ANO4: variants seen among roughly 807,000 people sequenced by gnomAD.
ANO4 encodes the protein anoctamin 4.
Under a neutral mutation model 141.9 loss-of-function variants are expected in ANO4, and 69 were observed. The ratio of observed to expected loss-of-function variants is 0.49; its 90% CI spans 0.40 to 0.59. The LOEUF (loss-of-function observed/expected upper bound fraction) is 0.59, where lower values mean the gene tolerates loss of function less well. Among genes scored for constraint, ANO4 ranks in the 20% least tolerant of loss-of-function variants. The pLI is 0.00. For synonymous variants in ANO4, 350 were observed against 394.3 expected, an observed-to-expected ratio of 0.89 and a Z score of 1.33; for missense variants, 894 against 1,162.2, an observed-to-expected ratio of 0.77 and a Z score of 3.36.
chr12:101,022,259 A>T (rs919957164), intron 9 of ANO4, among the ~76,000 whole-genome samples: 1 of 152,196 alleles, frequency 6.6e-6, no homozygotes, highest in Admixed American at 6.5e-5. Flanking sequence ...TCTCTGCATT[A>T]GTCATCCTTC....
chr12:101,070,056 T>C (rs999413209), intron 14 of ANO4, among the ~76,000 whole-genome samples: 10 of 152,084 alleles, frequency 6.6e-5, no homozygotes, highest in Non-Finnish European at 1.2e-4. Flanking sequence ...GTTCATAGAT[T>C]GGAAGAAGCA....
At chr12:100,989,750 TATGGATGGATGGATGGATGG>T (rs370125379) in intron 8 of ANO4, among the ~76,000 whole-genome samples, 5 of 115,398 alleles carry the variant, frequency 4.3e-5, no homozygotes, top group African/African-American at 1.6e-4. Context: ...TGGATGGATA[TATGGATGGATGGATGGATGG>T]ATGGATGGAT....
intron 1 of ANO4, among the ~76,000 whole-genome samples, chr12:100,870,690 A>G (rs2038988364): frequency 6.6e-6 from 1 of 152,108 alleles, no homozygotes; most frequent in Admixed American, 6.6e-5. Context: ...GACAATAAGT[A>G]AACTTTTGTA....
intron 1 of ANO4, among the ~76,000 whole-genome samples, chr12:100,822,756 C>T (rs2036121400): frequency 6.6e-6 from 1 of 151,908 alleles, no homozygotes. Context: ...CTTGATCTTC[C>T]AGTAGGAATC....
chr12:101,074,574 G>A (rs588567), intron 14 of ANO4, among the ~76,000 whole-genome samples: 37,954 of 152,066 alleles, frequency 0.25, 5,068 homozygotes, highest in East Asian at 0.55. Context: ...GTGGAGGAAA[G>A]CAAGAAAGAA....
At chr12:100,890,835 G>A (rs765146878) in intron 1 of ANO4, among the ~76,000 whole-genome samples, 1 of 152,262 alleles carries the variant, frequency 6.6e-6, no homozygotes, top group East Asian at 1.9e-4. Context: ...TTCACTGTTG[G>A]TGTTGTACAT....
chr12:100,825,054 A>G (rs188261793), intron 1 of ANO4, among the ~76,000 whole-genome samples: 59 of 152,102 alleles, frequency 3.9e-4, no homozygotes, highest in Admixed American at 3.7e-3. Context: ...TTTATTTCTT[A>G]TCATAAATTA....
intron 1 of ANO4, among the ~76,000 whole-genome samples, chr12:100,850,357 A>C (rs2037801266): frequency 6.6e-6 from 1 of 152,200 alleles, no homozygotes; most frequent in Non-Finnish European, 1.5e-5. Context: ...GAGGAGAGTC[A>C]TTCCTCCTAT....
chr12:100,925,497 G>C (rs547973262), intron 3 of ANO4, among the ~76,000 whole-genome samples: 1 of 151,610 alleles, frequency 6.6e-6, no homozygotes, highest in Non-Finnish European at 1.5e-5. Flanking sequence ...TCCTGTCGGG[G>C]GGTGGGGGGC....
chr12:100,949,965 C>G (rs2042902547), intron 5 of ANO4, among the ~76,000 whole-genome samples: 1 of 152,166 alleles, frequency 6.6e-6, no homozygotes, highest in Non-Finnish European at 1.5e-5. Context: ...ACTTAAAGAG[C>G]TAATCTCATG....
intron 1 of ANO4, among the ~76,000 whole-genome samples, chr12:100,828,935 A>G (rs180811762): frequency 6.6e-6 from 1 of 151,748 alleles, no homozygotes; most frequent in African/African-American, 2.4e-5. Context: ...CATGAGAATC[A>G]CTTAAACCCA....
intron 22 of ANO4, among the ~76,000 whole-genome samples, chr12:101,106,660 C>T (rs1280057110): frequency 1.3e-5 from 2 of 149,782 alleles, no homozygotes; most frequent in Non-Finnish European, 3.0e-5. Context: ...GAGAGGAAAC[C>T]ACTCAAGAGC....
At chr12:101,053,955 A>G (rs1006938658) in intron 14 of ANO4, among the ~76,000 whole-genome samples, 6 of 152,242 alleles carry the variant, frequency 3.9e-5, no homozygotes, top group Non-Finnish European at 7.3e-5. Flanking sequence ...CTCTGGCAAC[A>G]GTGCAGGGAG....
At position 100,846,050 on chromosome 12, in the gene ANO4, T is replaced by C. The variant is rs1229512586; in HGVS notation, c.-141+51023T>C. The stretch of plus-strand genomic sequence containing the variant: ...GGTGAATTATTTAGCTGCTCTGTGT[T>C]TATTTTCTAATCCATAAAATGAAAT... On this transcript the variant is annotated intron_variant, in intron 1 of 27. Transcript: ENST00000392977. 2.0e-5 allele frequency among the ~76,000 whole-genome samples: 3 copies of C among 152,346 alleles called. No individual in the cohort carries two copies. In the East Asian group the frequency reaches 5.8e-4, roughly 29 times the overall value.
In ANO4 at chr12:100,993,850, A is replaced by C. The variant is rs993884634; in HGVS notation, c.734+6180A>C. Among the ~76,000 whole-genome samples, 9 of 152,238 alleles carry C rather than the reference A, an allele frequency of 5.9e-5. No homozygotes were observed. The South Asian group carries it at 1.2e-3, about 21-fold the overall frequency. On this transcript the variant is annotated intron_variant, in intron 8 of 27. Coordinates refer to ENST00000392977, the MANE Select transcript of ANO4 (RefSeq NM_001286615.2). ...AAGAAAAAAAGAAGCAGATTTGCCG[A>C]ATAAATAATCGCAGTCTGTCTGAGT...
chr12:100,946,785 G>A (rs999096862), intron 5 of ANO4, among the ~76,000 whole-genome samples: 2 of 152,152 alleles, frequency 1.3e-5, no homozygotes, highest in Admixed American at 1.3e-4. Context: ...TTGAGCCATG[G>A]GGAACACTAG....
chr12:101,123,986 T>C (rs1195525624), intron 26 of ANO4, among the ~76,000 whole-genome samples: 3 of 151,960 alleles, frequency 2.0e-5, no homozygotes, highest in African/African-American at 7.2e-5. Flanking sequence ...CCATACAAGT[T>C]ATAGAATTGC....
At chr12:100,958,100 C>G (rs2043248414) in intron 5 of ANO4, among the ~76,000 whole-genome samples, 1 of 152,214 alleles carries the variant, frequency 6.6e-6, no homozygotes, top group Non-Finnish European at 1.5e-5. Context: ...CCTGAATTCT[C>G]TCACTCCTTT....
chr12:101,068,179 T>C, intron 14 of ANO4: 2 of 1,143,554 alleles, frequency 1.7e-6, no homozygotes, highest in Admixed American at 3.2e-5. Flanking sequence ...AATAGCCCCA[T>C]AGGAGTGGAG....
Sources: allele counts gnomAD v4.1 joint callset (sites outside exome capture counted in the v4.1 genomes callset), GRCh38; gene constraint gnomAD v4.1.1; transcripts MANE v1.5; gene names NCBI Gene and HGNC (gene_info 2026-07-23, HGNC 2026-07-21).